Variants in RNF130 observed in about 807,000 individuals in gnomAD.
RNF130 encodes ring finger protein 130, also known as E3 ubiquitin-protein ligase RNF130.
In RNF130, 21 loss-of-function variants were observed where a neutral mutation model predicts 44.6. That is an observed-to-expected ratio of 0.47 (90% CI 0.33 to 0.68). The LOEUF (loss-of-function observed/expected upper bound fraction) is 0.68, where lower values mean the gene tolerates loss of function less well. RNF130 is among the 30% of genes least tolerant of loss of function. The pLI is 0.02. For missense variants in RNF130, 479 were observed against 560.6 expected (o/e 0.85, Z 1.47); for synonymous variants, 214 against 210.4 (o/e 1.02, Z -0.15).
At chr5:180,047,942 C>T (rs1039701590) in intron 1 of RNF130, among the ~76,000 whole-genome samples, 30 of 152,072 alleles carry the variant, frequency 2.0e-4, no homozygotes, top group Non-Finnish European at 3.7e-4. Flanking sequence ...GAGTACTCTG[C>T]CTTCCCTGGC....
chr5:180,048,305 A>C (rs1017089333), intron 1 of RNF130, among the ~76,000 whole-genome samples: 1 of 152,146 alleles, frequency 6.6e-6, no homozygotes, highest in African/African-American at 2.4e-5. Context: ...GTTTACGGCA[A>C]ATCACTCTGT....
chr5:179,935,377 C>T (rs1761875138), intron 7 of RNF130, among the ~76,000 whole-genome samples: 1 of 152,050 alleles, frequency 6.6e-6, no homozygotes, highest in African/African-American at 2.4e-5. Context: ...TTAATTACAT[C>T]TTGTCTGTTA....
intron 7 of RNF130, among the ~76,000 whole-genome samples, chr5:179,943,603 T>C (rs977149905): frequency 2.0e-5 from 3 of 152,320 alleles, no homozygotes; most frequent in South Asian, 2.1e-4. Flanking sequence ...GCCTGCAAGA[T>C]AGATGTGTCA....
intron 1 of RNF130, among the ~76,000 whole-genome samples, chr5:180,065,090 C>G (rs895309551): frequency 5.9e-5 from 9 of 151,776 alleles, no homozygotes; most frequent in African/African-American, 2.2e-4. Context: ...ATAATCCTAA[C>G]CAATGCTTGG....
downstream of RNF130, among the ~76,000 whole-genome samples, chr5:179,950,962 C>T (rs1002836216): frequency 2.0e-5 from 3 of 152,090 alleles, no homozygotes; most frequent in Admixed American, 2.0e-4. Context: ...CATGAATCTA[C>T]GAAATACCAC....
intron 1 of RNF130, among the ~76,000 whole-genome samples, chr5:180,045,990 C>A (rs918391263): frequency 6.6e-6 from 1 of 152,236 alleles, no homozygotes; most frequent in Non-Finnish European, 1.5e-5. Context: ...GGGACCGAGC[C>A]CCGTGGAGCA....
In RNF130 at chr5:180,015,688, AGGAAAGGAGTAG is replaced by A. The variant is rs1219522336; in HGVS notation, c.443-2389_443-2378del. 6.7e-5 allele frequency among the ~76,000 whole-genome samples: 9 copies of A among 135,098 alleles called. No homozygotes were observed. In the South Asian group the frequency reaches 1.8e-3, roughly 27 times the overall value. The allele number at this position is 135,098 out of a possible 152,430, so 88.6% of individuals were successfully genotyped here. ...GTAGGAAAGGAGTAGGGAAAGGAGTAGGAAAGGAGTAGGGAAAGGAGTAGGGAAAGGAGTAGG... is the reference window on the plus strand; with the variant it reads ...GTAGGAAAGGAGTAGGGAAAGGAGTAGGAAAGGAGTAGGGAAAGGAGTAGG... On this transcript the variant is annotated intron_variant, in intron 2 of 8. Transcript: ENST00000521389.
At chr5:180,018,329 A>G (rs1286658468) in intron 2 of RNF130, among the ~76,000 whole-genome samples, 2 of 152,120 alleles carry the variant, frequency 1.3e-5, no homozygotes, top group Non-Finnish European at 2.9e-5. Context: ...GAAAAAAAGA[A>G]AAGAGGTTTA....
At chr5:180,050,931 G>A (rs1764673478) in intron 1 of RNF130, among the ~76,000 whole-genome samples, 1 of 152,000 alleles carries the variant, frequency 6.6e-6, no homozygotes, top group African/African-American at 2.4e-5. Context: ...AGCATCCTGA[G>A]TAGCTGGGAC....
At chr5:179,979,496 C>T (rs1762783779) in intron 4 of RNF130, among the ~76,000 whole-genome samples, 1 of 151,964 alleles carries the variant, frequency 6.6e-6, no homozygotes, top group Admixed American at 6.6e-5. Flanking sequence ...TCGTTTTATG[C>T]CTTTTGAGAT....
chr5:179,968,601 G>A (rs1380325415), intron 6 of RNF130, among the ~76,000 whole-genome samples: 1 of 151,124 alleles, frequency 6.6e-6, no homozygotes, highest in African/African-American at 2.4e-5. Flanking sequence ...GGGAGGTGGA[G>A]GTTGCAGTGA....
At chr5:180,055,272 A>AAAAAAAAAC (rs1561709643) in intron 1 of RNF130, among the ~76,000 whole-genome samples, 38 of 18,924 alleles carry the variant, frequency 2.0e-3, no homozygotes, top group Non-Finnish European at 3.6e-3. Flanking sequence ...AAAAAAAAAA[A>AAAAAAAAAC]AAAAAAAACA....
exon 8 of RNF130, chr5:179,916,412 G>A (rs994632187): frequency 7.9e-5 from 12 of 152,332 alleles, no homozygotes; most frequent in South Asian, 4.1e-4. Flanking sequence ...TTGATTTAGC[G>A]TGTAGCTCGA....
intron 1 of RNF130, among the ~76,000 whole-genome samples, chr5:180,065,866 C>T (rs1186882649): frequency 6.6e-6 from 1 of 151,782 alleles, no homozygotes; most frequent in Non-Finnish European, 1.5e-5. Context: ...CATTACCTTG[C>T]TTAAGCAGGT....
exon 8 of RNF130, chr5:179,911,716 A>G (rs1173500245): frequency 6.6e-6 from 1 of 152,216 alleles, no homozygotes; most frequent in Non-Finnish European, 1.5e-5. Context: ...ACGGGTGTAC[A>G]CTGTTGGCAT....
intron 2 of RNF130, among the ~76,000 whole-genome samples, chr5:180,025,331 C>A (rs1016334122): frequency 6.6e-6 from 1 of 152,114 alleles, no homozygotes; most frequent in Non-Finnish European, 1.5e-5. Context: ...ATGATTTTAC[C>A]TTCCTCCTCT....
chr5:180,011,767 A>C (rs1044122477), intron 3 of RNF130, among the ~76,000 whole-genome samples: 7 of 93,072 alleles, frequency 7.5e-5, no homozygotes, highest in African/African-American at 2.7e-4. Context: ...CCTGTCTCTT[A>C]AAAAAAAAAA....
intron 1 of RNF130, among the ~76,000 whole-genome samples, chr5:180,064,677 C>T (rs1765060873): frequency 6.6e-6 from 1 of 152,202 alleles, no homozygotes; most frequent in Non-Finnish European, 1.5e-5. Flanking sequence ...TCTCTTGAAT[C>T]CCCATCCTGT....
intron 2 of RNF130, among the ~76,000 whole-genome samples, chr5:180,036,627 T>A (rs144537862): frequency 2.6e-3 from 403 of 152,362 alleles, no homozygotes; most frequent in Non-Finnish European, 4.2e-3. Context: ...AAATGGCTGT[T>A]TCGTCAATTT....
Sources: gnomAD v4.1 joint callset for allele counts (sites outside exome capture counted in the v4.1 genomes callset) on GRCh38, gnomAD v4.1.1 for gene constraint, MANE v1.5 for transcripts, NCBI Gene and HGNC (gene_info 2026-07-23, HGNC 2026-07-21) for gene names.